Variants in LRCH2 observed in about 807,000 individuals in gnomAD.
The protein encoded by LRCH2 is leucine-rich repeat and calponin homology domain-containing protein 2.
LRCH2 carries 38 observed loss-of-function variants against 68.9 expected under a neutral mutation model. The observed-to-expected ratio is 0.55, with a 90% CI of 0.43 to 0.72. The LOEUF (loss-of-function observed/expected upper bound fraction) is 0.72. LRCH2 is among the 30% of genes least tolerant of loss of function. The pLI is 0.00. For missense variants in LRCH2, 528 were observed against 572.9 expected (o/e 0.92, Z 0.80); for synonymous variants, 191 against 208.1 (o/e 0.92, Z 0.71).
At position 115,184,522 on chromosome X, in the gene LRCH2, T is replaced by C; in HGVS notation, c.510A>G (p.Ser170=). 1 of 1,169,145 alleles carries C rather than the reference T, an allele frequency of 8.6e-7. No homozygotes were observed. The change falls in exon 3 of 21, where the codon TCA becomes TCG. Residue 170 remains serine (S), a synonymous_variant. Coordinates refer to ENST00000317135, the MANE Select transcript of LRCH2 (RefSeq NM_020871.4). ...TYLNISRNLL[S]TLPKYLFDLP... is the part of the protein sequence containing the mutation. The stretch of plus-strand genomic sequence containing the variant: ...GATCAAATAGGTATTTTGGCAATGT[T>C]GATAAAAGATTTCGGCTGAAAAGAA...
Position 115,189,801 on chromosome X carries a change from AC to A in LRCH2, c.350-1432del, listed in dbSNP as rs781840406. ...GTGGGGGTGGCAGCAGCCCACAGCG[AC>A]CCCCCTCTCAGGGCAGGCCTGATGA... On this transcript the variant is annotated intron_variant, in intron 1 of 20. Coordinates refer to ENST00000317135, the MANE Select transcript of LRCH2 (RefSeq NM_020871.4). The A allele has an allele frequency of 5.2e-6, 6 of 1,163,166 alleles. No homozygotes were observed. The African/African-American group carries it at 7.3e-5, about 14-fold the overall frequency.
chrX:115,167,997 T>C (rs782100009), intron 6 of LRCH2, among the ~76,000 whole-genome samples: 21 of 112,323 alleles, frequency 1.9e-4, no homozygotes, highest in Non-Finnish European at 2.3e-4. Flanking sequence ...ATACATTGCT[T>C]CATTTAATCC....
intron 1 of LRCH2, chrX:115,198,690 C>T (rs187096145): frequency 2.1e-5 from 3 of 143,859 alleles, no homozygotes; most frequent in Admixed American, 7.6e-5. Flanking sequence ...CAAGAGGAAG[C>T]GGGAGGAGCT....
chrX:115,221,179 CAAAAAAAAAAAAAAAAAAA>C (rs1166166479), intron 1 of LRCH2, among the ~76,000 whole-genome samples: 3 of 68,897 alleles, frequency 4.4e-5, no homozygotes, highest in East Asian at 4.1e-4. Flanking sequence ...TCCATCTTAA[CAAAAAAAAAAAAAAAAAAA>C]AAAAAAAAAA....
intron 1 of LRCH2, chrX:115,191,052 C>T (rs1556558629): frequency 8.6e-7 from 1 of 1,163,354 alleles, no homozygotes; most frequent in African/African-American, 1.8e-5. Context: ...ACAGCAGTTC[C>T]AGCAACAGTT....
chrX:115,197,253 C>T (rs1363563268), intron 1 of LRCH2, among the ~76,000 whole-genome samples: 3 of 110,444 alleles, frequency 2.7e-5, no homozygotes, highest in Non-Finnish European at 5.7e-5. Flanking sequence ...AATATTATGG[C>T]CTCAAATGAA....
Position 115,152,099 on chromosome X carries a change from T to C in LRCH2, c.1530-2029A>G, listed in dbSNP as rs184081123. 3.6e-4 allele frequency among the ~76,000 whole-genome samples: 40 copies of C among 111,353 alleles called. No individual in the cohort carries two copies. In the East Asian group the frequency reaches 9.7e-3, roughly 27 times the overall value. On this transcript the variant is annotated intron_variant, in intron 12 of 20. Transcript: ENST00000317135. ...AAGCTTAGAGGGAATAATTCCCAGA[T>C]TCTCAGAGGACCAGGAGTAGTACCA...
intron 12 of LRCH2, among the ~76,000 whole-genome samples, chrX:115,151,225 C>T (rs1169682300): frequency 1.8e-5 from 2 of 111,392 alleles, no homozygotes; most frequent in African/African-American, 6.5e-5. Context: ...CTCCTTTCTA[C>T]TAGCTCCAGA....
chrX:115,130,029 GA>G (rs1279645677), intron 15 of LRCH2, 125 bp downstream of exon 15: 110 of 363,198 alleles, frequency 3.0e-4, no homozygotes, highest in South Asian at 4.5e-4. Context: ...TTTTATTGTT[GA>G]AAAAAAACCA....
chrX:115,173,111 T>A (rs6643946), intron 5 of LRCH2, among the ~76,000 whole-genome samples: 8,554 of 111,049 alleles, frequency 0.077, 317 homozygotes, highest in Non-Finnish European at 0.11. Flanking sequence ...TATGCTCCAT[T>A]TTTCCTCTTT....
chrX:115,222,198 C>T (rs2073090211), intron 1 of LRCH2, among the ~76,000 whole-genome samples: 1 of 111,631 alleles, frequency 9.0e-6, no homozygotes, highest in Admixed American at 9.5e-5. Context: ...TGACAAAATT[C>T]AACACCCTTT....
chrX:115,200,441 G>A (rs1390985504), intron 1 of LRCH2, among the ~76,000 whole-genome samples: 1 of 110,610 alleles, frequency 9.0e-6, no homozygotes, highest in Admixed American at 9.7e-5. Context: ...AAATAAAAAA[G>A]GAAATATTTC....
chrX:115,233,916 G>A lies in LRCH2; in HGVS notation c.126C>T (p.Gly42=). 1 of 1,162,038 alleles carries A rather than the reference G, an allele frequency of 8.6e-7. No homozygotes were observed. Among genetic ancestry groups the A allele is most frequent in the South Asian group, 1.9e-5 (1 of 52,274 alleles). Residue 42 remains glycine, a synonymous_variant, in exon 1 of 21, where the codon GGC becomes GGT. Coordinates refer to ENST00000317135, the MANE Select transcript of LRCH2 (RefSeq NM_020871.4). ...GGGAGGGGGG[G]GGTLVVPIPV... Reference sequence around the variant, plus strand: ...GGATGGGGACCACCAGGGTCCCGCCGCCGCCGCCGCCTCCCCCTCCAGCCC... The same window carrying A: ...GGATGGGGACCACCAGGGTCCCGCCACCGCCGCCGCCTCCCCCTCCAGCCC...
rs181582405 is a variant in LRCH2, at chrX:115,228,339, C to T, written c.349+5354G>A. Among the ~76,000 whole-genome samples the T allele has an allele frequency of 5.4e-5, 6 of 111,265 alleles. No individual in the cohort carries two copies. The East Asian group carries it at 1.7e-3, about 31-fold the overall frequency. ...CAATGTTTTAAGAAGCACCCAAATA[C>T]ACTCAAAGTGTAGAGAAAAAAAGAA... is the stretch of plus-strand genomic sequence containing the variant. On this transcript the variant is annotated intron_variant, in intron 1 of 20. Transcript: ENST00000317135.
intron 1 of LRCH2, among the ~76,000 whole-genome samples, chrX:115,217,990 CT>C (rs781985066): frequency 1.8e-5 from 2 of 111,634 alleles, no homozygotes; most frequent in Admixed American, 9.5e-5. Flanking sequence ...TGATGATGAA[CT>C]TTTTTTCTTA....
rs145205116 is a variant in LRCH2 at position 115,192,427 on chromosome X, G to A, written c.350-4057C>T. 361 of 1,166,011 alleles carry A rather than the reference G, an allele frequency of 3.1e-4. No individual in the cohort carries two copies. In the African/African-American group the frequency reaches 5.5e-3, roughly 18 times the overall value. ...GGGCAGCTTGCCTGACGCCTACAGC[G>A]GCGACCACGACAGATCCAGCAACAG... On this transcript the variant is annotated intron_variant, in intron 1 of 20. Transcript: ENST00000317135.
intron 1 of LRCH2, among the ~76,000 whole-genome samples, chrX:115,232,495 C>T (rs782816868): frequency 8.1e-5 from 9 of 111,397 alleles, no homozygotes; most frequent in Non-Finnish European, 1.7e-4. Flanking sequence ...AGGATCATTG[C>T]TAAAAGAATC....
chrX:115,120,238 A>G (rs2072125142), intron 20 of LRCH2, among the ~76,000 whole-genome samples: 2 of 93,811 alleles, frequency 2.1e-5, no homozygotes, highest in African/African-American at 4.0e-5. Flanking sequence ...CAGGCAACCT[A>G]CAAAATGGGA....
chrX:115,182,590 T>C (rs972582975), intron 3 of LRCH2, among the ~76,000 whole-genome samples: 1 of 111,243 alleles, frequency 9.0e-6, no homozygotes, highest in Non-Finnish European at 1.9e-5. Flanking sequence ...TCCCAGCACT[T>C]TGGGAGACCG....
Sources: gnomAD v4.1 joint callset for allele counts (sites outside exome capture counted in the v4.1 genomes callset) on GRCh38, gnomAD v4.1.1 for gene constraint, MANE v1.5 for transcripts, NCBI Gene and HGNC (gene_info 2026-07-23, HGNC 2026-07-21) for gene names.